PARN: variants seen among roughly 807,000 people sequenced by gnomAD.
The protein encoded by PARN is poly(A)-specific ribonuclease.
PARN carries 71 observed loss-of-function variants against 102.8 expected under a neutral mutation model. The ratio of observed to expected loss-of-function variants is 0.69; its 90% CI spans 0.57 to 0.84. PARN has a LOEUF of 0.84. Ranked by LOEUF, PARN falls within the 40% of genes least tolerant of loss-of-function variation. The pLI, the probability that PARN is intolerant of heterozygous loss-of-function variation, is 0.00. For synonymous variants in PARN, 261 were observed against 252.9 expected, an observed-to-expected ratio of 1.03 and a Z score of -0.30; for missense variants, 782 against 760.9, an observed-to-expected ratio of 1.03 and a Z score of -0.33.
intron 13 of PARN, 28 bp from the exon 14 acceptor site, chr16:14,586,389 A>G (rs1307049262): frequency 2.2e-6 from 3 of 1,349,364 alleles, no homozygotes; most frequent in Non-Finnish European, 3.1e-6. Flanking sequence ...GACTTGTTAC[A>G]ATTTTCCTAA....
At chr16:14,619,001 G>C (rs1490271607) in intron 5 of PARN, among the ~76,000 whole-genome samples, 3 of 150,950 alleles carry the variant, frequency 2.0e-5, no homozygotes, top group Admixed American at 6.6e-5. Flanking sequence ...TTAAAGACCA[G>C]CTTGGGCAAA....
chr16:14,471,634 G>C (rs115311185), intron 22 of PARN, among the ~76,000 whole-genome samples: 2,176 of 152,178 alleles, frequency 0.014, 63 homozygotes, highest in African/African-American at 0.05. Flanking sequence ...CTGTAGTACT[G>C]AATCACATTA....
At chr16:14,629,796 G>A (rs1972919426) in intron 1 of PARN, 122 bp from the exon 2 acceptor site, 1 of 773,686 alleles carries the variant, frequency 1.3e-6, no homozygotes. Context: ...CCGGAGGTGT[G>A]CACCGGGGCG....
intron 21 of PARN, among the ~76,000 whole-genome samples, chr16:14,544,133 G>A (rs1206343832): frequency 1.3e-5 from 2 of 151,618 alleles, no homozygotes; most frequent in Non-Finnish European, 2.9e-5. Context: ...TGGAGGTTGC[G>A]GTGAGCCAAG....
intron 21 of PARN, among the ~76,000 whole-genome samples, chr16:14,484,956 C>A (rs1175763674): frequency 6.6e-6 from 1 of 151,928 alleles, no homozygotes; most frequent in African/African-American, 2.4e-5. Flanking sequence ...CAGTGGCTCA[C>A]ACTTGTAATC....
chr16:14,546,286 C>T (rs1966934790), intron 21 of PARN, among the ~76,000 whole-genome samples: 1 of 152,164 alleles, frequency 6.6e-6, no homozygotes. Flanking sequence ...AAAAGCTGTG[C>T]TTTTTAAAAA....
At chr16:14,605,312 C>T (rs986288015) in intron 10 of PARN, among the ~76,000 whole-genome samples, 1 of 152,192 alleles carries the variant, frequency 6.6e-6, no homozygotes, top group Admixed American at 6.5e-5. Flanking sequence ...TGAGCTAATG[C>T]ATTACAAACC....
chr16:14,532,625 T>G (rs1403032997), intron 21 of PARN, among the ~76,000 whole-genome samples: 1 of 152,034 alleles, frequency 6.6e-6, no homozygotes, highest in East Asian at 1.9e-4. Flanking sequence ...CTTTCCCCCC[T>G]TTCTACTCCA....
chr16:14,549,183 T>C (rs1010429874), intron 21 of PARN, among the ~76,000 whole-genome samples: 1 of 152,156 alleles, frequency 6.6e-6, no homozygotes. Flanking sequence ...TGTTAAGAGT[T>C]GTCTTTTGCA....
intron 22 of PARN, among the ~76,000 whole-genome samples, chr16:14,459,172 A>T (rs1961836076): frequency 6.6e-6 from 1 of 152,232 alleles, no homozygotes; most frequent in African/African-American, 2.4e-5. Flanking sequence ...TAGCCAGAGA[A>T]ATAAAGGCAA....
At chr16:14,480,047 A>T (rs1442475322) in intron 22 of PARN, among the ~76,000 whole-genome samples, 6 of 152,150 alleles carry the variant, frequency 3.9e-5, no homozygotes, top group African/African-American at 1.2e-4. Context: ...AATTAAAAGT[A>T]TTTGGCTGGG....
intron 18 of PARN, among the ~76,000 whole-genome samples, chr16:14,559,014 G>A (rs1320121550): frequency 1.3e-5 from 2 of 151,956 alleles, no homozygotes; most frequent in Non-Finnish European, 2.9e-5. Context: ...CTGGCTGGGA[G>A]GGAGAAAAAT....
chr16:14,507,417 C>T (rs939642992), intron 21 of PARN, among the ~76,000 whole-genome samples: 2 of 151,938 alleles, frequency 1.3e-5, no homozygotes, highest in African/African-American at 4.8e-5. Flanking sequence ...CAAGTGAAGG[C>T]CAGGCGTGGT....
chr16:14,495,183 T>C (rs981092276), intron 21 of PARN, among the ~76,000 whole-genome samples: 5 of 151,842 alleles, frequency 3.3e-5, no homozygotes, highest in Admixed American at 2.6e-4. Context: ...TAAGAAAACA[T>C]TGCTTCAAGG....
intron 12 of PARN, among the ~76,000 whole-genome samples, chr16:14,595,787 T>G (rs1373379404): frequency 6.6e-6 from 1 of 152,026 alleles, no homozygotes. Context: ...CGCCTTGGCC[T>G]CTCAAAGTGC....
chr16:14,554,534 G>T (rs558149889), intron 19 of PARN, among the ~76,000 whole-genome samples: 7 of 151,552 alleles, frequency 4.6e-5, no homozygotes, highest in Admixed American at 6.6e-5. Flanking sequence ...GGGTTCAAGC[G>T]ATCCTCCCAC....
At chr16:14,525,466 T>G (rs1965948644) in intron 21 of PARN, among the ~76,000 whole-genome samples, 1 of 152,160 alleles carries the variant, frequency 6.6e-6, no homozygotes, top group Admixed American at 6.5e-5. Context: ...AACATTCCAT[T>G]CAAATGAAGG....
chr16:14,607,460 G>A (rs1427139225), intron 9 of PARN, among the ~76,000 whole-genome samples: 1 of 152,062 alleles, frequency 6.6e-6, no homozygotes, highest in Admixed American at 6.6e-5. Context: ...TGCCCACCTC[G>A]GCCTCCCAAA....
intron 22 of PARN, among the ~76,000 whole-genome samples, chr16:14,459,748 C>T (rs1961861164): frequency 6.6e-6 from 1 of 152,128 alleles, no homozygotes; most frequent in East Asian, 1.9e-4. Context: ...GATTTCAAGG[C>T]TCACTACAAA....
Sources: gnomAD v4.1 joint callset for allele counts (sites outside exome capture counted in the v4.1 genomes callset) on GRCh38, gnomAD v4.1.1 for gene constraint, MANE v1.5 for transcripts, NCBI Gene and HGNC (gene_info 2026-07-23, HGNC 2026-07-21) for gene names.